The following FBXL20 variants were observed in gnomAD, a reference collection of about 807,000 sequenced individuals.
FBXL20 encodes the protein F-box/LRR-repeat protein 20.
In FBXL20, 11 loss-of-function variants were observed where a neutral mutation model predicts 64.0. The observed-to-expected ratio is 0.17, with a 90% CI of 0.11 to 0.28. The LOEUF (loss-of-function observed/expected upper bound fraction) is 0.28, where lower values mean the gene tolerates loss of function less well. Among genes scored for constraint, FBXL20 ranks in the 10% least tolerant of loss-of-function variants. The pLI, the probability that FBXL20 is intolerant of heterozygous loss-of-function variation, is 1.00. For missense variants in FBXL20, 303 were observed against 526.2 expected (o/e 0.58, Z 4.15); for synonymous variants, 184 against 189.0 (o/e 0.97, Z 0.22).
At chr17:39,360,593 G>T (rs1474566755) in intron 1 of FBXL20, among the ~76,000 whole-genome samples, 1 of 152,154 alleles carries the variant, frequency 6.6e-6, no homozygotes, top group Non-Finnish European at 1.5e-5. Flanking sequence ...TTGGAAAGCA[G>T]AGTGAGGCAT....
intron 2 of FBXL20, among the ~76,000 whole-genome samples, chr17:39,321,461 T>G (rs1365308714): frequency 7.9e-6 from 1 of 126,538 alleles, no homozygotes; most frequent in African/African-American, 3.3e-5. Context: ...CTAGAATCTG[T>G]CTCAAAAAAA....
chr17:39,376,284 C>T (rs527665441), intron 1 of FBXL20, among the ~76,000 whole-genome samples: 2 of 152,110 alleles, frequency 1.3e-5, no homozygotes, highest in South Asian at 4.2e-4. Context: ...CAGAACTGGC[C>T]TACTGCTAAA....
At chr17:39,354,300 T>C (rs2047715511) in intron 1 of FBXL20, among the ~76,000 whole-genome samples, 1 of 152,224 alleles carries the variant, frequency 6.6e-6, no homozygotes, top group Non-Finnish European at 1.5e-5. Flanking sequence ...TCTTGCTTTT[T>C]TGTTCATGCT....
intron 1 of FBXL20, among the ~76,000 whole-genome samples, chr17:39,386,642 A>AT (rs199721725): frequency 1.3e-5 from 2 of 151,542 alleles, no homozygotes; most frequent in Non-Finnish European, 1.5e-5. Context: ...ATAATAATAA[A>AT]TTTTTTTTTG....
At chr17:39,383,112 G>A (rs1463456604) in intron 1 of FBXL20, among the ~76,000 whole-genome samples, 2 of 144,112 alleles carry the variant, frequency 1.4e-5, no homozygotes, top group African/African-American at 2.6e-5. Context: ...GCAGTGAGCC[G>A]AGATCACGCC....
intron 6 of FBXL20, among the ~76,000 whole-genome samples, chr17:39,289,284 C>CA (rs982601699): frequency 6.6e-6 from 1 of 152,066 alleles, no homozygotes; most frequent in Non-Finnish European, 1.5e-5. Context: ...TCAATTTCAA[C>CA]AAAAAAACCT....
At chr17:39,296,180 T>C (rs1327454231) in intron 6 of FBXL20, among the ~76,000 whole-genome samples, 2 of 152,046 alleles carry the variant, frequency 1.3e-5, no homozygotes, top group Admixed American at 1.3e-4. Context: ...GTAAATGTAG[T>C]TCTACTGGTA....
In FBXL20 at chr17:39,297,257, A is replaced by G. The variant is rs1323222391; in HGVS notation, c.330-62T>C. On this transcript the variant is annotated intron_variant, in intron 5 of 14. Coordinates refer to ENST00000264658, the MANE Select transcript of FBXL20 (RefSeq NM_032875.3). ...TAGGCCAAATTCCAGTCATTAAAAA[A>G]GTAATAAAATATATTATTATTGGTA... 5 of 968,382 alleles carry G rather than the reference A, an allele frequency of 5.2e-6. No individual in the cohort carries two copies. The East Asian group carries it at 7.7e-5, about 15-fold the overall frequency. 60.0% of individuals were successfully genotyped at this position (968,382 alleles called of 1,614,324 possible).
chr17:39,281,403 A>G lies in FBXL20; in HGVS notation c.682T>C (p.Leu228=). ...AHCPELVTLN[L]QTCLQITDEG... ...GGGATGTTTACCAAGCAAGTCTGCA[A>G]GTTCAAAGTCACCAGTTCAGGGCAG... The change falls in exon 9 of 15, where the codon TTG becomes CTG. Residue 228 remains leucine (L), a synonymous_variant. Transcript: ENST00000264658. The G allele has an allele frequency of 6.2e-7, 1 of 1,613,984 alleles. No homozygotes were observed. The highest frequency in any genetic ancestry group is 1.1e-5 in the South Asian group (1 of 91,056).
At chr17:39,366,716 C>T (rs1404753693) in intron 1 of FBXL20, among the ~76,000 whole-genome samples, 1 of 152,160 alleles carries the variant, frequency 6.6e-6, no homozygotes, top group African/African-American at 2.4e-5. Context: ...TGATGCATTT[C>T]TGACCTCGTA....
chr17:39,351,769 C>T (rs1329975843), intron 1 of FBXL20, among the ~76,000 whole-genome samples: 1 of 151,742 alleles, frequency 6.6e-6, no homozygotes, highest in African/African-American at 2.4e-5. Context: ...AGATTCTTCT[C>T]TTCTTATTGT....
chr17:39,381,714 G>A (rs1016434253), intron 1 of FBXL20, among the ~76,000 whole-genome samples: 2 of 151,414 alleles, frequency 1.3e-5, no homozygotes, highest in African/African-American at 2.4e-5. Context: ...TTACTGGAGC[G>A]GTGGAGAGGT....
intron 1 of FBXL20, among the ~76,000 whole-genome samples, chr17:39,376,431 G>A (rs2047967884): frequency 6.6e-6 from 1 of 152,162 alleles, no homozygotes. Context: ...ATGTCCATAA[G>A]GGCATTGGTA....
chr17:39,321,840 G>A (rs900416034), intron 2 of FBXL20, among the ~76,000 whole-genome samples: 9 of 150,910 alleles, frequency 6.0e-5, no homozygotes, highest in African/African-American at 4.9e-5. Context: ...TGAAGTAAGC[G>A]TACTATGACT....
At chr17:39,381,400 A>G (rs2048021604) in intron 1 of FBXL20, among the ~76,000 whole-genome samples, 1 of 149,206 alleles carries the variant, frequency 6.7e-6, no homozygotes, top group Non-Finnish European at 1.5e-5. Context: ...GGATCACTTG[A>G]GCCCAAGAGG....
chr17:39,339,305 T>C (rs1001902321), intron 2 of FBXL20, among the ~76,000 whole-genome samples: 2 of 151,886 alleles, frequency 1.3e-5, no homozygotes, highest in Non-Finnish European at 2.9e-5. Context: ...CCCATCTCTA[T>C]GAAAATTTAA....
intron 2 of FBXL20, among the ~76,000 whole-genome samples, chr17:39,341,971 G>A (rs2047587327): frequency 6.6e-6 from 1 of 152,146 alleles, no homozygotes; most frequent in Admixed American, 6.5e-5. Context: ...AAGAATTTCA[G>A]GAAATGTTAT....
chr17:39,297,019 C>G (rs1029751540), intron 6 of FBXL20, 108 bp downstream of exon 6: 7 of 620,688 alleles, frequency 1.1e-5, no homozygotes, highest in South Asian at 2.9e-5. Flanking sequence ...CTTTCCTCTA[C>G]AAAACCAAGA....
chr17:39,343,719 A>G (rs1325343052), intron 1 of FBXL20, among the ~76,000 whole-genome samples: 1 of 148,496 alleles, frequency 6.7e-6, no homozygotes, highest in Non-Finnish European at 1.5e-5. Flanking sequence ...TTTTTGAGAC[A>G]GAGTCTTGCT....
Sources: gnomAD v4.1 joint callset for allele counts (sites outside exome capture counted in the v4.1 genomes callset) on GRCh38, gnomAD v4.1.1 for gene constraint, MANE v1.5 for transcripts, NCBI Gene and HGNC (gene_info 2026-07-23, HGNC 2026-07-21) for gene names.